COL27A1: variants seen among roughly 807,000 people sequenced by gnomAD.
COL27A1 encodes the protein collagen alpha-1(XXVII) chain.
Under a neutral mutation model 251.3 loss-of-function variants are expected in COL27A1, and 106 were observed. That is an observed-to-expected ratio of 0.42 (90% confidence interval 0.36 to 0.50). COL27A1 has a LOEUF of 0.50. COL27A1 is among the 20% of genes least tolerant of loss of function. The pLI is 0.00. For synonymous variants in COL27A1, 1,000 were observed against 986.3 expected, an observed-to-expected ratio of 1.01 and a Z score of -0.26; for missense variants, 2,325 against 2,522.8, an observed-to-expected ratio of 0.92 and a Z score of 1.68.
intron 12 of COL27A1, among the ~76,000 whole-genome samples, 171 bp from the exon 13 acceptor site, chr9:114,219,620 A>C (rs1830941758): frequency 2.0e-5 from 3 of 152,212 alleles, no homozygotes; most frequent in Admixed American, 2.0e-4. Flanking sequence ...CTTTATGTTC[A>C]GGTGCTTGTC....
chr9:114,297,024 T>C (rs900412953), intron 49 of COL27A1, among the ~76,000 whole-genome samples: 6 of 152,140 alleles, frequency 3.9e-5, no homozygotes, highest in African/African-American at 1.4e-4. Context: ...TGAAAGAAGA[T>C]AGATCAATGG....
At chr9:114,288,814 G>A (rs1827699197) in intron 43 of COL27A1, 59 bp downstream of exon 43, 3 of 1,601,442 alleles carry the variant, frequency 1.9e-6, no homozygotes, top group African/African-American at 2.7e-5. Flanking sequence ...GAGGGGGGAT[G>A]ACACATGTCT....
At chr9:114,167,668 C>T (rs1848985428) in intron 2 of COL27A1, 21 bp from the exon 3 acceptor site, 11 of 1,592,254 alleles carry the variant, frequency 6.9e-6, no homozygotes, top group Non-Finnish European at 9.4e-6. Flanking sequence ...TGCGTCCTCT[C>T]CCCTTTTCCC....
chr9:114,239,181 G>A (rs981613900), intron 19 of COL27A1, among the ~76,000 whole-genome samples: 4 of 152,306 alleles, frequency 2.6e-5, no homozygotes, highest in East Asian at 3.9e-4. Flanking sequence ...TCCAGCACCC[G>A]GGTGAATTAT....
intron 9 of COL27A1, 70 bp downstream of exon 9, chr9:114,205,882 A>G: frequency 1.4e-6 from 2 of 1,432,148 alleles, no homozygotes; most frequent in Non-Finnish European, 1.9e-6. Flanking sequence ...GCCCCGAGGC[A>G]GAGGGAGGTG....
Position 114,209,418 on chromosome 9 carries a change from C to T in COL27A1, c.2269-257C>T, listed in dbSNP as rs367594102. On this transcript the variant is annotated intron_variant, in intron 10 of 60. Transcript: ENST00000356083. Reference sequence around the variant, plus strand: ...TGGCGTGGGGCGGGCCTCCTGCCGGCGAGCGCCTGCGCCCTTCCCTGGCGT... The same window carrying T: ...TGGCGTGGGGCGGGCCTCCTGCCGGTGAGCGCCTGCGCCCTTCCCTGGCGT... The T allele has an allele frequency of 3.2e-4, 240 of 745,288 alleles. No homozygotes were observed. In the African/African-American group the frequency reaches 3.3e-3, roughly 10 times the overall value. The allele number at this position is 745,288 out of a possible 1,614,324, so 46.2% of individuals were successfully genotyped here.
intron 14 of COL27A1, among the ~76,000 whole-genome samples, chr9:114,228,506 C>T (rs924094463): frequency 6.6e-6 from 1 of 152,216 alleles, no homozygotes; most frequent in Non-Finnish European, 1.5e-5. Context: ...GGCTTCTCTC[C>T]CTCCTCTCCA....
At position 114,302,095 on chromosome 9, in the gene COL27A1, G is replaced by A. The variant is rs951479014; in HGVS notation, c.4859G>A (p.Gly1620Asp). 8 of 1,612,880 alleles carry A rather than the reference G, an allele frequency of 5.0e-6. No individual in the cohort carries two copies. Among genetic ancestry groups the A allele is most frequent in the Middle Eastern group, 1.7e-4 (1 of 6,052 alleles). ...GRPGPPGPPGGPIQLQQDDLG... is the reference protein window; with the variant it reads ...GRPGPPGPPGDPIQLQQDDLG... Reference sequence around the variant, plus strand: ...CTTCTTTTGCAGGGTCCTCCAGGGGGTCCTATCCAATTGGTAAGTTGGAAA... The same window carrying A: ...CTTCTTTTGCAGGGTCCTCCAGGGGATCCTATCCAATTGGTAAGTTGGAAA... Residue 1620 changes from glycine (G) to aspartate (D), a missense_variant, in exon 56 of 61, where the codon GGT (glycine) becomes GAT (aspartate). Coordinates refer to ENST00000356083, the MANE Select transcript of COL27A1 (RefSeq NM_032888.4).
At chr9:114,257,396 G>A (rs1270473117) in intron 27 of COL27A1, among the ~76,000 whole-genome samples, 1 of 152,046 alleles carries the variant, frequency 6.6e-6, no homozygotes, top group Non-Finnish European at 1.5e-5. Flanking sequence ...GCAGAGGGGT[G>A]GCCTGCTTCC....
intron 1 of COL27A1, among the ~76,000 whole-genome samples, chr9:114,157,753 C>A (rs1848217059): frequency 6.6e-6 from 1 of 152,190 alleles, no homozygotes; most frequent in Non-Finnish European, 1.5e-5. Flanking sequence ...ATGAGGCTTG[C>A]CATCAGGCAG....
chr9:114,302,871 G>C (rs747450466), intron 56 of COL27A1, among the ~76,000 whole-genome samples: 1 of 151,980 alleles, frequency 6.6e-6, no homozygotes, highest in Non-Finnish European at 1.5e-5. Flanking sequence ...ACTATTGCAC[G>C]GTGGCTACAC....
chr9:114,227,987 T>C (rs1060501), intron 14 of COL27A1, among the ~76,000 whole-genome samples: 15,682 of 152,070 alleles, frequency 0.1, 1,017 homozygotes, highest in African/African-American at 0.19. Flanking sequence ...GGGGGACCTG[T>C]CCTATGCGAG....
chr9:114,204,877 T>A (rs1829836016), intron 7 of COL27A1, among the ~76,000 whole-genome samples: 1 of 152,198 alleles, frequency 6.6e-6, no homozygotes, highest in Non-Finnish European at 1.5e-5. Flanking sequence ...ACCCTCCTGA[T>A]GTCCTCTGGC....
At chr9:114,222,331 G>GT in intron 14 of COL27A1, 64 bp downstream of exon 14, 1 of 1,485,448 alleles carries the variant, frequency 6.7e-7, no homozygotes, top group Non-Finnish European at 9.4e-7. Context: ...GAGCCAGCGT[G>GT]TGGGGAGCCA....
chr9:114,186,833 G>A (rs1245893045), intron 5 of COL27A1, among the ~76,000 whole-genome samples: 2 of 152,250 alleles, frequency 1.3e-5, no homozygotes, highest in African/African-American at 4.8e-5. Flanking sequence ...TGCCCCTGGG[G>A]CAGGGTGCTG....
intron 49 of COL27A1, among the ~76,000 whole-genome samples, chr9:114,292,548 T>A (rs1827998858): frequency 6.6e-6 from 1 of 152,122 alleles, no homozygotes; most frequent in Admixed American, 6.5e-5. Context: ...GAGGCTGCAT[T>A]CAACTCACCC....
chr9:114,249,764 T>C (rs1322541445), intron 24 of COL27A1, among the ~76,000 whole-genome samples: 2 of 152,208 alleles, frequency 1.3e-5, no homozygotes, highest in Non-Finnish European at 2.9e-5. Flanking sequence ...CAAAATCCAC[T>C]CATCCCTCCA....
chr9:114,166,989 G>T (rs555486401), intron 2 of COL27A1, among the ~76,000 whole-genome samples: 17 of 152,074 alleles, frequency 1.1e-4, no homozygotes, highest in Non-Finnish European at 1.0e-4. Context: ...TGGCAGCCCC[G>T]TAGCCTGCTA....
At chr9:114,193,387 G>A (rs1490642054) in intron 5 of COL27A1, among the ~76,000 whole-genome samples, 1 of 152,106 alleles carries the variant, frequency 6.6e-6, no homozygotes, top group African/African-American at 2.4e-5. Flanking sequence ...TGTGTGACAG[G>A]GACTGTCCCC....
Sources: gnomAD v4.1 joint callset for allele counts (sites outside exome capture counted in the v4.1 genomes callset) on GRCh38, gnomAD v4.1.1 for gene constraint, MANE v1.5 for transcripts, NCBI Gene and HGNC (gene_info 2026-07-23, HGNC 2026-07-21) for gene names.